MPP2: variants seen among roughly 807,000 people sequenced by gnomAD.
MPP2 encodes MAGUK p55 subfamily member 2.
In MPP2, 42 loss-of-function variants were observed where a neutral mutation model predicts 58.5. That is an observed-to-expected ratio of 0.72 (90% CI 0.56 to 0.93). The LOEUF (loss-of-function observed/expected upper bound fraction) is 0.93. Ranked by LOEUF, MPP2 falls within the 40% of genes least tolerant of loss-of-function variation. MPP2 has a pLI of 0.00. For missense variants in MPP2, 632 were observed against 760.4 expected (o/e 0.83, Z 1.99); for synonymous variants, 300 against 307.8 (o/e 0.97, Z 0.26).
Position 43,881,109 on chromosome 17 carries a change from A to G in MPP2, c.969T>C (p.Tyr323=), listed in dbSNP as rs1422460201. 6.2e-7 allele frequency: 1 copy of G among 1,613,740 alleles called. No individual in the cohort carries two copies. The highest frequency in any genetic ancestry group is 2.2e-5 in the East Asian group (1 of 44,862). The part of the protein sequence containing the change: ...LSGKKKKRMM[Y]LTTKNAEFDR... ...ACCCACCTGCATTCTTGGTGGTCAA[A>G]TACATCATTCGCTTCTTTTTCTTTC... is the stretch of plus-strand genomic sequence containing the variant. The change falls in exon 9 of 13, where the codon TAT becomes TAC. Residue 323 remains tyrosine (Y), a synonymous_variant. Coordinates refer to ENST00000269095, the MANE Select transcript of MPP2 (RefSeq NM_005374.5).
intron 2 of MPP2, among the ~76,000 whole-genome samples, chr17:43,898,606 A>G (rs972588144): frequency 3.3e-5 from 5 of 151,938 alleles, no homozygotes; most frequent in African/African-American, 9.7e-5. Flanking sequence ...TCTCCACCCT[A>G]GGTAATGCCA....
chr17:43,886,789 G>A (rs2047387744), intron 3 of MPP2, among the ~76,000 whole-genome samples: 1 of 152,004 alleles, frequency 6.6e-6, no homozygotes, highest in African/African-American at 2.4e-5. Flanking sequence ...CTCTCATTGG[G>A]GCTTACTTTG....
At chr17:43,908,012 C>CT, upstream of MPP2, 1 of 978,660 alleles carries the variant, frequency 1.0e-6, no homozygotes, top group Non-Finnish European at 1.2e-6. Flanking sequence ...TCAGGGGCAG[C>CT]TTTTTAAGGA....
intron 2 of MPP2, among the ~76,000 whole-genome samples, chr17:43,902,212 A>G (rs1194316777): frequency 6.6e-6 from 1 of 151,834 alleles, no homozygotes; most frequent in Non-Finnish European, 1.5e-5. Flanking sequence ...GAAGGGGAGC[A>G]GGAGCCCCAG....
intron 2 of MPP2, among the ~76,000 whole-genome samples, chr17:43,898,866 G>A (rs1472094120): frequency 6.6e-6 from 1 of 152,108 alleles, no homozygotes; most frequent in African/African-American, 2.4e-5. Flanking sequence ...TCAGGAGGCT[G>A]AGGCAGGAGA....
chr17:43,907,481 C>G lies in MPP2; in HGVS notation c.-41G>C, dbSNP rs231477. On this transcript the variant is annotated 5_prime_UTR_variant, in exon 1 of 13. Coordinates refer to ENST00000269095, the MANE Select transcript of MPP2 (RefSeq NM_005374.5). ...GGGCCGGGGGACGCCTACCTGCGCCCCGGGAAGCCCCTAGCTCCGGGCGGC... is the reference window on the plus strand; with the variant it reads ...GGGCCGGGGGACGCCTACCTGCGCCGCGGGAAGCCCCTAGCTCCGGGCGGC... The G allele has an allele frequency of 0.086, 85,200 of 985,484 alleles. 4,637 individuals carry two copies. Among genetic ancestry groups the G allele is most frequent in the East Asian group, 0.41 (3,638 of 8,800 alleles). The allele number at this position is 985,484 out of a possible 1,614,324, so 61.0% of individuals were successfully genotyped here. A position where few individuals can be genotyped will look rare whatever the true frequency, so the allele number is the denominator to read the frequency against.
intron 3 of MPP2, among the ~76,000 whole-genome samples, chr17:43,893,070 A>G (rs897321946): frequency 1.3e-5 from 2 of 152,194 alleles, no homozygotes; most frequent in African/African-American, 4.8e-5. Flanking sequence ...GCCAGCCAGC[A>G]AACCCATCAT....
intron 2 of MPP2, among the ~76,000 whole-genome samples, chr17:43,899,120 G>A (rs957496773): frequency 7.2e-5 from 11 of 152,184 alleles, no homozygotes; most frequent in Non-Finnish European, 1.5e-4. Context: ...AGTGGCAGGC[G>A]CCTGTAATCC....
rs1380029217 is a variant in MPP2, at chr17:43,879,423, G to A, written c.1354-20C>T. The stretch of plus-strand genomic sequence containing the variant: ...CACCGCCTGCAGAAGGAGAAGGCAA[G>A]GTAGGGAGTATATCCCCATGTCTGT... On this transcript the variant is annotated intron_variant, in intron 11 of 12. Transcript: ENST00000269095. This position sits in a 1 kb window ranked among gnomAD's most constrained non-coding sequence, Gnocchi z 4.1. 6 of 1,613,670 alleles carry A rather than the reference G, an allele frequency of 3.7e-6. No individual in the cohort carries two copies. Among genetic ancestry groups the A allele is most frequent in the Non-Finnish European group, 5.1e-6 (6 of 1,179,700 alleles).
At position 43,880,604 on chromosome 17, in the gene MPP2, G is replaced by A. The variant is rs1369256623; in HGVS notation, c.1150+87C>T. 2 of 1,451,662 alleles carry A rather than the reference G, an allele frequency of 1.4e-6. No individual in the cohort carries two copies. The highest frequency in any genetic ancestry group is 1.8e-6 in the Non-Finnish European group (2 of 1,083,830). 89.9% of individuals were successfully genotyped at this position (1,451,662 alleles called of 1,614,324 possible). A position where few individuals can be genotyped will look rare whatever the true frequency, so the allele number is the denominator to read the frequency against. The stretch of plus-strand genomic sequence containing the variant: ...AGGTACCACCTGGCCTGGTGCCCAT[G>A]AAGATGCCCATTCGGTGGGCCCAGC... On this transcript the variant is annotated intron_variant, in intron 10 of 12. Coordinates refer to ENST00000269095, the MANE Select transcript of MPP2 (RefSeq NM_005374.5). The surrounding 1 kb of genome is among the most constrained non-coding windows in gnomAD (Gnocchi z 5.2).
Position 43,880,068 on chromosome 17 carries a change from C to T in MPP2, c.1151-84G>A. 3 of 1,348,270 alleles carry T rather than the reference C, an allele frequency of 2.2e-6. No homozygotes were observed. Among genetic ancestry groups the T allele is most frequent in the Non-Finnish European group, 3.1e-6 (3 of 963,016 alleles). The allele number at this position is 1,348,270 out of a possible 1,614,324, so 83.5% of individuals were successfully genotyped here. A position where few individuals can be genotyped will look rare whatever the true frequency, so the allele number is the denominator to read the frequency against. On this transcript the variant is annotated intron_variant, in intron 10 of 12. Coordinates refer to ENST00000269095, the MANE Select transcript of MPP2 (RefSeq NM_005374.5). This position sits in a 1 kb window ranked among gnomAD's most constrained non-coding sequence, Gnocchi z 5.2. ...CACATATATGCACCCCTACCCAGGC[C>T]CCCGTTTCCCAGCCTTGGAGGTGCA...
intron 2 of MPP2, among the ~76,000 whole-genome samples, chr17:43,899,693 C>T (rs1489805967): frequency 6.6e-6 from 1 of 152,012 alleles, no homozygotes; most frequent in African/African-American, 2.4e-5. Flanking sequence ...TGAGGTCACA[C>T]CAAGTCATCA....
At chr17:43,883,464 G>T in intron 3 of MPP2, 109 bp from the exon 4 acceptor site, 1 of 1,175,840 alleles carries the variant, frequency 8.5e-7, no homozygotes, top group African/African-American at 2.2e-5. Flanking sequence ...CCACCCCCCA[G>T]CCCCCAGCTT....
intron 3 of MPP2, among the ~76,000 whole-genome samples, chr17:43,892,980 TTTGATGGATGGATGGA>T (rs2047670549): frequency 7.1e-6 from 1 of 141,468 alleles, no homozygotes; most frequent in South Asian, 2.4e-4. Flanking sequence ...AAAATAGGTA[TTTGATGGATGGATGGA>T]TGGATGGATG....
At position 43,879,442 on chromosome 17, in the gene MPP2, T is replaced by C; in HGVS notation, c.1354-39A>G. The C allele has an allele frequency of 6.2e-7, 1 of 1,610,108 alleles. No homozygotes were observed. Among genetic ancestry groups the C allele is most frequent in the Non-Finnish European group, 8.5e-7 (1 of 1,177,120 alleles). On this transcript the variant is annotated intron_variant, in intron 11 of 12. Transcript: ENST00000269095. This position sits in a 1 kb window ranked among gnomAD's most constrained non-coding sequence, Gnocchi z 4.1. ...AGGCAAGGTAGGGAGTATATCCCCA[T>C]GTCTGTCCTAGGAACCAGAGAAAGG...
Position 43,907,458 on chromosome 17 carries a change from G to A in MPP2, c.-34+16C>T. On this transcript the variant is annotated intron_variant, in intron 1 of 12. Coordinates refer to ENST00000269095, the MANE Select transcript of MPP2 (RefSeq NM_005374.5). ...TCTTGGGATAGGAGCTGGCCCGGGGGCCGGGGGACGCCTACCTGCGCCCCG... is the reference window on the plus strand; with the variant it reads ...TCTTGGGATAGGAGCTGGCCCGGGGACCGGGGGACGCCTACCTGCGCCCCG... 2 of 985,578 alleles carry A rather than the reference G, an allele frequency of 2.0e-6. No homozygotes were observed. Among genetic ancestry groups the A allele is most frequent in the Middle Eastern group, 5.2e-4 (1 of 1,918 alleles). The allele number at this position is 985,578 out of a possible 1,614,324, so 61.1% of individuals were successfully genotyped here. A position where few individuals can be genotyped will look rare whatever the true frequency, so the allele number is the denominator to read the frequency against.
At chr17:43,895,326 G>A (rs546809647) in intron 3 of MPP2, among the ~76,000 whole-genome samples, 23 of 152,190 alleles carry the variant, frequency 1.5e-4, no homozygotes, top group Admixed American at 1.0e-3. Context: ...TGATCAGGCT[G>A]GTCTTGAAAT....
rs1005597827 is a variant in MPP2, at chr17:43,904,343, T to C, written c.31+87A>G. 16 of 1,299,882 alleles carry C rather than the reference T, an allele frequency of 1.2e-5. No individual in the cohort carries two copies. In the African/African-American group the frequency reaches 2.2e-4, roughly 18 times the overall value. 80.5% of individuals were successfully genotyped at this position (1,299,882 alleles called of 1,614,324 possible). A position where few individuals can be genotyped will look rare whatever the true frequency, so the allele number is the denominator to read the frequency against. On this transcript the variant is annotated intron_variant, in intron 2 of 12. Coordinates refer to ENST00000269095, the MANE Select transcript of MPP2 (RefSeq NM_005374.5). ...GCAGTGGAGCCAGTTGGTTCTTATC[T>C]GGAGCTGTGCAAGTGCCCACCCCTA...
At chr17:43,895,420 A>G (rs1054158416) in intron 3 of MPP2, among the ~76,000 whole-genome samples, 1 of 152,194 alleles carries the variant, frequency 6.6e-6, no homozygotes, top group Non-Finnish European at 1.5e-5. Context: ...TGTGCCTCAT[A>G]CTTTTTATTT....
Sources: allele counts gnomAD v4.1 joint callset (sites outside exome capture counted in the v4.1 genomes callset), GRCh38; gene constraint gnomAD v4.1.1; non-coding constraint Gnocchi (gnomAD v3.1); transcripts MANE v1.5; gene names NCBI Gene and HGNC (gene_info 2026-07-23, HGNC 2026-07-21).